SGK3: variants seen among roughly 807,000 people sequenced by gnomAD.
SGK3 encodes the protein serum/glucocorticoid regulated kinase family member 3, also known as serine/threonine-protein kinase Sgk3.
In SGK3, 47 loss-of-function variants were observed where a neutral mutation model predicts 68.5. The ratio of observed to expected loss-of-function variants is 0.69; its 90% CI spans 0.54 to 0.87. The LOEUF (loss-of-function observed/expected upper bound fraction) is 0.87. Among genes scored for constraint, SGK3 ranks in the 40% least tolerant of loss-of-function variants. The pLI is 0.00. For missense variants in SGK3, 479 were observed against 575.5 expected, an observed-to-expected ratio of 0.83 and a Z score of 1.72; for synonymous variants, 181 against 189.1, an observed-to-expected ratio of 0.96 and a Z score of 0.35.
chr8:66,719,861 A>G (rs1286558533), intron 1 of SGK3, among the ~76,000 whole-genome samples: 1 of 152,254 alleles, frequency 6.6e-6, no homozygotes, highest in Non-Finnish European at 1.5e-5. Flanking sequence ...CTCATTGGCA[A>G]GCGGCTATTA....
intron 1 of SGK3, among the ~76,000 whole-genome samples, chr8:66,714,189 T>C (rs1408267818): frequency 6.6e-6 from 1 of 152,246 alleles, no homozygotes; most frequent in African/African-American, 2.4e-5. Flanking sequence ...AGGGTCAGAT[T>C]GAACTTGAAA....
chr8:66,808,479 A>G (rs1808250238), intron 4 of SGK3, among the ~76,000 whole-genome samples: 1 of 152,142 alleles, frequency 6.6e-6, no homozygotes, highest in African/African-American at 2.4e-5. Context: ...AAGTGATACA[A>G]ACAAAATCAA....
chr8:66,851,888 C>G (rs1810303042), intron 16 of SGK3, among the ~76,000 whole-genome samples: 1 of 152,114 alleles, frequency 6.6e-6, no homozygotes, highest in Admixed American at 6.5e-5. Context: ...ATATAATTTA[C>G]TCTTAAGCTA....
At chr8:66,728,547 G>A (rs1805045115) in intron 1 of SGK3, among the ~76,000 whole-genome samples, 1 of 151,948 alleles carries the variant, frequency 6.6e-6, no homozygotes, top group African/African-American at 2.4e-5. Flanking sequence ...GGTTGGTCTC[G>A]AACTCCTGAC....
intron 4 of SGK3, among the ~76,000 whole-genome samples, chr8:66,811,960 G>A (rs1808397745): frequency 6.6e-6 from 1 of 152,076 alleles, no homozygotes; most frequent in South Asian, 2.1e-4. Context: ...ATTCTTCAAG[G>A]AATTCTTAGA....
intron 4 of SGK3, among the ~76,000 whole-genome samples, chr8:66,812,705 T>G (rs1325270757): frequency 6.6e-6 from 1 of 152,128 alleles, no homozygotes; most frequent in Admixed American, 6.6e-5. Context: ...TACTATAAAC[T>G]TAGATGCATT....
intron 1 of SGK3, among the ~76,000 whole-genome samples, chr8:66,722,435 A>G (rs745710418): frequency 3.3e-5 from 5 of 152,140 alleles, no homozygotes; most frequent in African/African-American, 7.2e-5. Context: ...GGCATTTGCC[A>G]CCACGCCTGG....
In SGK3 at chr8:66,773,979, G is replaced by C. The variant is rs550421727; in HGVS notation, c.-121-19637G>C. 3.3e-5 allele frequency among the ~76,000 whole-genome samples: 5 copies of C among 152,314 alleles called. No individual in the cohort carries two copies. In the South Asian group the frequency reaches 6.2e-4, roughly 19 times the overall value. On this transcript the variant is annotated intron_variant, in intron 1 of 16. Transcript: ENST00000521198. ...AAGTTGTAAGGGAGAGGTTGAATGA[G>C]TGATGCCGGAGATCCCTGAAGCTTT...
chr8:66,749,312 G>C (rs1294061289), intron 1 of SGK3, among the ~76,000 whole-genome samples: 1 of 152,098 alleles, frequency 6.6e-6, no homozygotes, highest in African/African-American at 2.4e-5. Flanking sequence ...CGGAGTTCGA[G>C]ACCAGCCTGG....
At chr8:66,741,492 G>T (rs1805478472) in intron 1 of SGK3, among the ~76,000 whole-genome samples, 1 of 152,106 alleles carries the variant, frequency 6.6e-6, no homozygotes, top group Non-Finnish European at 1.5e-5. Context: ...GGAGGTTGCA[G>T]TGAGCTGAGA....
At chr8:66,794,979 G>A (rs1228275940) in intron 2 of SGK3, among the ~76,000 whole-genome samples, 2 of 152,192 alleles carry the variant, frequency 1.3e-5, no homozygotes, top group African/African-American at 2.4e-5. Flanking sequence ...CACTGACTCA[G>A]TACCTTGGCC....
chr8:66,841,395 ATTTC>A (rs1163148963), intron 13 of SGK3, among the ~76,000 whole-genome samples: 1 of 152,114 alleles, frequency 6.6e-6, no homozygotes, highest in Non-Finnish European at 1.5e-5. Flanking sequence ...ATTTAATTAT[ATTTC>A]TTTTTTTGTT....
chr8:66,747,488 A>G (rs1382578907), intron 1 of SGK3, among the ~76,000 whole-genome samples: 1 of 152,222 alleles, frequency 6.6e-6, no homozygotes, highest in Non-Finnish European at 1.5e-5. Context: ...AAGGAGACCA[A>G]GATCTGGTAT....
chr8:66,747,082 T>C lies in SGK3; in HGVS notation c.-122+34249T>C, dbSNP rs559428116. ...ATTTCAAAAAAAAAAGGGTTTTTTTTCCCCATGGTAATTTTAGATTTTGAC... is the reference window on the plus strand; with the variant it reads ...ATTTCAAAAAAAAAAGGGTTTTTTTCCCCCATGGTAATTTTAGATTTTGAC... On this transcript the variant is annotated intron_variant, in intron 1 of 16. Coordinates refer to ENST00000521198, the MANE Select transcript of SGK3 (RefSeq NM_001033578.3). Among the ~76,000 whole-genome samples the C allele has an allele frequency of 3.9e-5, 6 of 152,192 alleles. No homozygotes were observed. The East Asian group carries it at 5.8e-4, about 15-fold the overall frequency.
At chr8:66,732,610 C>T (rs535326561) in intron 1 of SGK3, among the ~76,000 whole-genome samples, 27 of 152,258 alleles carry the variant, frequency 1.8e-4, no homozygotes, top group Admixed American at 1.6e-3. Context: ...TTCGGGAGGC[C>T]GAGGTGGGTG....
At chr8:66,816,038 C>CG (rs1563642547) in intron 5 of SGK3, among the ~76,000 whole-genome samples, 1 of 151,986 alleles carries the variant, frequency 6.6e-6, no homozygotes, top group African/African-American at 2.4e-5. Flanking sequence ...CTCACTGTGT[C>CG]GCCCAGGCTG....
chr8:66,762,046 A>G (rs77926731), intron 1 of SGK3, among the ~76,000 whole-genome samples: 3,171 of 151,898 alleles, frequency 0.021, 110 homozygotes, highest in African/African-American at 0.071. Context: ...TTTTTTTGAG[A>G]CGAAGTCTCG....
intron 2 of SGK3, 152 bp from the exon 3 acceptor site, chr8:66,798,390 T>C (rs147705165): frequency 1.3e-4 from 69 of 534,294 alleles, no homozygotes; most frequent in African/African-American, 1.2e-3. Flanking sequence ...AATGTTAATA[T>C]CAGTTTCGGA....
intron 7 of SGK3, 82 bp from the exon 8 acceptor site, chr8:66,831,172 A>T: frequency 6.6e-7 from 1 of 1,515,552 alleles, no homozygotes; most frequent in Non-Finnish European, 9.1e-7. Context: ...TTTATTTTTT[A>T]AAGAGGGAGG....
Sources: gnomAD v4.1 joint callset for allele counts (sites outside exome capture counted in the v4.1 genomes callset) on GRCh38, gnomAD v4.1.1 for gene constraint, MANE v1.5 for transcripts, NCBI Gene and HGNC (gene_info 2026-07-23, HGNC 2026-07-21) for gene names.